The following ZFHX3 variants were observed in gnomAD, a reference collection of about 807,000 sequenced individuals.
The protein encoded by ZFHX3 is zinc finger homeobox 3, also known as zinc finger homeobox protein 3.
A neutral mutation model predicts 279.1 loss-of-function variants in ZFHX3; 42 were observed. The ratio of observed to expected loss-of-function variants is 0.15; its 90% CI spans 0.12 to 0.19. The LOEUF (loss-of-function observed/expected upper bound fraction) is 0.19, where lower values mean the gene tolerates loss of function less well. Ranked by LOEUF, ZFHX3 falls within the 10% of genes least tolerant of loss-of-function variation. The pLI is 1.00. For synonymous variants in ZFHX3, 2,293 were observed against 1,957.8 expected, an observed-to-expected ratio of 1.17 and a Z score of -4.52; for missense variants, 4,981 against 4,754.0, an observed-to-expected ratio of 1.05 and a Z score of -1.40.
chr16:73,603,507 C>T (rs1171937952), intron 2 of ZFHX3, among the ~76,000 whole-genome samples: 16 of 151,794 alleles, frequency 1.1e-4, no homozygotes, highest in Non-Finnish European at 1.9e-4. Flanking sequence ...AGACGTGCTC[C>T]CATAGACAGT....
At chr16:72,919,984 G>C (rs888017723) in intron 3 of ZFHX3, among the ~76,000 whole-genome samples, 1 of 151,056 alleles carries the variant, frequency 6.6e-6, no homozygotes, top group East Asian at 2.0e-4. Flanking sequence ...TAGTAGAGAC[G>C]GGGTTTCACT....
chr16:73,425,575 G>A (rs1203684617), intron 3 of ZFHX3, among the ~76,000 whole-genome samples: 1 of 152,098 alleles, frequency 6.6e-6, no homozygotes, highest in Non-Finnish European at 1.5e-5. Context: ...TTATAGCCAG[G>A]AGTTAATGGG....
chr16:73,132,858 C>T (rs1008441885), intron 6 of ZFHX3, among the ~76,000 whole-genome samples: 4 of 152,188 alleles, frequency 2.6e-5, no homozygotes, highest in African/African-American at 4.8e-5. Context: ...GACAAATGCT[C>T]GATGTTGGCC....
intron 8 of ZFHX3, among the ~76,000 whole-genome samples, chr16:73,091,898 C>T (rs1400052596): frequency 6.6e-6 from 1 of 152,158 alleles, no homozygotes; most frequent in African/African-American, 2.4e-5. Flanking sequence ...CCAATACATT[C>T]AGTATTCAGG....
At chr16:73,743,503 T>C (rs1216630714) in intron 1 of ZFHX3, among the ~76,000 whole-genome samples, 2 of 152,212 alleles carry the variant, frequency 1.3e-5, no homozygotes, top group African/African-American at 2.4e-5. Context: ...TCTAACAATA[T>C]ATGCTACCAG....
chr16:73,030,614 A>C (rs551484669), intron 1 of ZFHX3, among the ~76,000 whole-genome samples: 1 of 152,048 alleles, frequency 6.6e-6, no homozygotes, highest in Non-Finnish European at 1.5e-5. Context: ...GGAAGTCAGA[A>C]GATATTGTTT....
chr16:73,803,499 C>T (rs1489284261), intron 1 of ZFHX3, among the ~76,000 whole-genome samples: 2 of 152,042 alleles, frequency 1.3e-5, no homozygotes, highest in Admixed American at 1.3e-4. Flanking sequence ...ATTCACTTAC[C>T]CTTTGACATG....
chr16:72,965,825 G>T (rs1961808261), intron 1 of ZFHX3, among the ~76,000 whole-genome samples: 1 of 152,186 alleles, frequency 6.6e-6, no homozygotes, highest in African/African-American at 2.4e-5. Flanking sequence ...GATTCAAGTT[G>T]CTGGAAAAGA....
chr16:73,304,313 T>C, intron 4 of ZFHX3, among the ~76,000 whole-genome samples: 1 of 152,176 alleles, frequency 6.6e-6, no homozygotes, highest in East Asian at 1.9e-4. Flanking sequence ...GCCCTTCCTC[T>C]GGGTGACTTT....
intron 5 of ZFHX3, among the ~76,000 whole-genome samples, chr16:72,823,425 G>A (rs575481993): frequency 2.8e-4 from 42 of 152,288 alleles, no homozygotes; most frequent in Admixed American, 1.1e-3. Context: ...GCCACTCAAA[G>A]GCACCCATGT....
At chr16:73,705,898 C>T in intron 1 of ZFHX3, among the ~76,000 whole-genome samples, 1 of 152,154 alleles carries the variant, frequency 6.6e-6, no homozygotes, top group Non-Finnish European at 1.5e-5. Flanking sequence ...GCCACAGTTC[C>T]TCTGACACTG....
intron 1 of ZFHX3, among the ~76,000 whole-genome samples, chr16:73,789,926 C>T (rs1282531291): frequency 6.6e-6 from 1 of 152,150 alleles, no homozygotes; most frequent in Non-Finnish European, 1.5e-5. Context: ...ATGATAAATT[C>T]AAAGCAGCAC....
At position 72,958,274 on chromosome 16, in the gene ZFHX3, G is replaced by A. The variant is rs148573491; in HGVS notation, c.1872C>T (p.Gly624=). 1.3e-5 allele frequency: 21 copies of A among 1,614,030 alleles called. No individual in the cohort carries two copies. The East Asian group carries it at 2.5e-4, about 19-fold the overall frequency. Residue 624 remains glycine, a synonymous_variant, in exon 2 of 10, where the codon GGC becomes GGT. Coordinates refer to ENST00000268489, the MANE Select transcript of ZFHX3 (RefSeq NM_006885.4). ...CCCCAACCCCAAGCTCGCAGAGGGAGCCAGCGTGCTGGTGATGGGGAACGA... is the reference window on the plus strand; with the variant it reads ...CCCCAACCCCAAGCTCGCAGAGGGAACCAGCGTGCTGGTGATGGGGAACGA... ...GGFVPHHQHA[G]SLCELGVGEC...
chr16:72,804,917 G>T (rs924395360), intron 7 of ZFHX3, among the ~76,000 whole-genome samples: 3 of 152,136 alleles, frequency 2.0e-5, no homozygotes, highest in African/African-American at 7.2e-5. Flanking sequence ...GGCTCACCTA[G>T]GTTAGATCGA....
intron 3 of ZFHX3, among the ~76,000 whole-genome samples, chr16:73,416,415 G>A (rs2017582003): frequency 6.6e-6 from 1 of 152,126 alleles, no homozygotes; most frequent in South Asian, 2.1e-4. Flanking sequence ...GATGAATAAA[G>A]GTAGATGGAA....
At chr16:73,838,890 T>G (rs1961218295) in intron 1 of ZFHX3, among the ~76,000 whole-genome samples, 1 of 152,130 alleles carries the variant, frequency 6.6e-6, no homozygotes, top group Non-Finnish European at 1.5e-5. Flanking sequence ...GATGTTTTGT[T>G]GGCCTAAAAG....
intron 2 of ZFHX3, among the ~76,000 whole-genome samples, chr16:73,669,655 G>T (rs2052882036): frequency 6.6e-6 from 1 of 152,216 alleles, no homozygotes; most frequent in Admixed American, 6.5e-5. Flanking sequence ...TGAAAGTGAA[G>T]AACACTCTTT....
chr16:72,905,712 A>G (rs138969153), intron 3 of ZFHX3, among the ~76,000 whole-genome samples: 2 of 152,338 alleles, frequency 1.3e-5, no homozygotes, highest in Admixed American at 6.5e-5. Flanking sequence ...TGTCCACCCA[A>G]GCCAACAGAG....
intron 1 of ZFHX3, among the ~76,000 whole-genome samples, chr16:73,834,165 C>A (rs1021064418): frequency 5.9e-5 from 9 of 152,146 alleles, no homozygotes; most frequent in Admixed American, 5.2e-4. Flanking sequence ...TCTGGACTGA[C>A]AGTTTCTCTG....
Sources: allele counts gnomAD v4.1 joint callset (sites outside exome capture counted in the v4.1 genomes callset), GRCh38; gene constraint gnomAD v4.1.1; transcripts MANE v1.5; gene names NCBI Gene and HGNC (gene_info 2026-07-23, HGNC 2026-07-21).